Variants in SNAPC3 observed in about 807,000 individuals in gnomAD.
SNAPC3 encodes the protein small nuclear RNA activating complex polypeptide 3, also known as snRNA-activating protein complex subunit 3.
SNAPC3 carries 56 observed loss-of-function variants against 47.7 expected under a neutral mutation model. That is an observed-to-expected ratio of 1.18 (90% confidence interval 0.95 to 1.47). The LOEUF is 1.47. Ranked by LOEUF, SNAPC3 falls within the 40% of genes most tolerant of loss-of-function variation. SNAPC3 has a pLI of 0.00. For missense variants in SNAPC3, 665 were observed against 511.3 expected (o/e 1.30, Z -2.90); for synonymous variants, 235 against 189.9 (o/e 1.24, Z -1.95).
chr9:15,445,925 G>A (rs187157166), intron 4 of SNAPC3, among the ~76,000 whole-genome samples: 1 of 152,230 alleles, frequency 6.6e-6, no homozygotes, highest in African/African-American at 2.4e-5. Flanking sequence ...GACAAAATGA[G>A]ACTGTCCCTC....
intron 7 of SNAPC3, among the ~76,000 whole-genome samples, chr9:15,454,343 A>G (rs994256114): frequency 1.3e-5 from 2 of 152,236 alleles, no homozygotes; most frequent in African/African-American, 2.4e-5. Context: ...ACTCCATCTC[A>G]GGAAACTATC....
Position 15,422,885 on chromosome 9 carries a change from T to A in SNAPC3, c.6T>A (p.Ala2=), listed in dbSNP as rs752370665. M[A]EGSRGGPTCS... ...GGGGAAGGAGTGGGGCGAACATGGCTGAAGGAAGCCGAGGTGGCCCTACGT... is the reference window on the plus strand; with the variant it reads ...GGGGAAGGAGTGGGGCGAACATGGCAGAAGGAAGCCGAGGTGGCCCTACGT... The change falls in exon 1 of 9, where the codon GCT becomes GCA. Residue 2 remains alanine (A), a synonymous_variant. Coordinates refer to ENST00000380821, the MANE Select transcript of SNAPC3 (RefSeq NM_001039697.2). 9 of 1,535,776 alleles carry A rather than the reference T, an allele frequency of 5.9e-6. No homozygotes were observed. In the East Asian group the frequency reaches 1.5e-4, roughly 26 times the overall value.
At chr9:15,443,647 C>G (rs1049414021) in intron 3 of SNAPC3, among the ~76,000 whole-genome samples, 1 of 152,174 alleles carries the variant, frequency 6.6e-6, no homozygotes, top group South Asian at 2.1e-4. Flanking sequence ...GAAGCTGCTG[C>G]CACCAAGAGG....
chr9:15,442,181 G>C (rs1448181949), intron 3 of SNAPC3, among the ~76,000 whole-genome samples: 3 of 148,326 alleles, frequency 2.0e-5, no homozygotes, highest in East Asian at 4.0e-4. Context: ...CTCCCAGACG[G>C]GGCGGCTGGC....
intron 5 of SNAPC3, among the ~76,000 whole-genome samples, chr9:15,447,958 C>T (rs1170441923): frequency 1.3e-5 from 2 of 152,124 alleles, no homozygotes; most frequent in Non-Finnish European, 2.9e-5. Flanking sequence ...ACAATGTTTT[C>T]AGAAAGGATC....
chr9:15,458,316 G>GTATACATTGTAAAA, intron 8 of SNAPC3, among the ~76,000 whole-genome samples: 1 of 152,184 alleles, frequency 6.6e-6, no homozygotes, highest in East Asian at 1.9e-4. Flanking sequence ...ATACAGCTAG[G>GTATACATTGTAAAA]TGAATAAAAA....
intron 5 of SNAPC3, among the ~76,000 whole-genome samples, chr9:15,450,500 T>C (rs546646765): frequency 2.0e-5 from 3 of 152,246 alleles, no homozygotes; most frequent in East Asian, 3.9e-4. Flanking sequence ...ATTTCACAGA[T>C]GAGAAAACAG....
chr9:15,437,779 T>C (rs922529944), intron 3 of SNAPC3, among the ~76,000 whole-genome samples: 11 of 152,188 alleles, frequency 7.2e-5, no homozygotes, highest in Admixed American at 7.2e-4. Flanking sequence ...CCTTTTCTTA[T>C]CATAACTGAA....
At chr9:15,433,510 T>C (rs751720108) in intron 2 of SNAPC3, 42 bp from the exon 3 acceptor site, 3 of 1,209,396 alleles carry the variant, frequency 2.5e-6, no homozygotes, top group Non-Finnish European at 3.6e-6. Context: ...GAATAACAAA[T>C]GTTGAACTTT....
Position 15,423,136 on chromosome 9 carries a change from T to A in SNAPC3, c.257T>A (p.Val86Glu). The A allele has an allele frequency of 1.3e-6, 2 of 1,559,990 alleles. No homozygotes were observed. The highest frequency in any genetic ancestry group is 4.7e-5 in the East Asian group (2 of 42,446). ...AADSDREDAA[V>E]ARDLDCSLEA... ...GACTCCGACCGGGAGGATGCCGCGG[T>A]GGCCAGGGATCTGGACTGCAGCCTG... The change falls in exon 1 of 9, where the codon GTG becomes GAG. Residue 86 changes from valine (V) to glutamate (E), a missense_variant. Coordinates refer to ENST00000380821, the MANE Select transcript of SNAPC3 (RefSeq NM_001039697.2).
chr9:15,441,929 G>T (rs1809747481), intron 3 of SNAPC3, among the ~76,000 whole-genome samples: 1 of 152,172 alleles, frequency 6.6e-6, no homozygotes, highest in African/African-American at 2.4e-5. Flanking sequence ...AGACGTGGTG[G>T]CGGCCGGGCA....
intron 3 of SNAPC3, among the ~76,000 whole-genome samples, chr9:15,439,603 C>T (rs553333784): frequency 5.9e-5 from 9 of 152,260 alleles, no homozygotes; most frequent in African/African-American, 1.9e-4. Flanking sequence ...GGCCCGATCT[C>T]GGCTCACTGT....
Position 15,453,092 on chromosome 9 carries a change from G to C in SNAPC3, c.867G>C (p.Gln289His). ...ATGATAGAGGCTATGGAAAGTTTCA[G>C]ACTGCTAGAATGGAAGATTTCACCT... is the stretch of plus-strand genomic sequence containing the variant. ...ESHDRGYGKF[Q>H]TARMEDFTFN... Residue 289 changes from glutamine (Q) to histidine (H), a missense_variant, in exon 7 of 9, where the codon CAG becomes CAC. Physicochemically the swap from Gln to His is conservative, Grantham distance 24. Coordinates refer to ENST00000380821, the MANE Select transcript of SNAPC3 (RefSeq NM_001039697.2). 1.9e-6 allele frequency: 3 copies of C among 1,613,634 alleles called. No homozygotes were observed. Among genetic ancestry groups the C allele is most frequent in the Non-Finnish European group, 2.5e-6 (3 of 1,179,578 alleles).
chr9:15,446,456 T>G (rs756447485), intron 4 of SNAPC3, among the ~76,000 whole-genome samples: 5 of 152,200 alleles, frequency 3.3e-5, no homozygotes, highest in Non-Finnish European at 5.9e-5. Flanking sequence ...ATCCTCCTGC[T>G]TCGGCCTCCC....
chr9:15,457,951 G>T lies in SNAPC3; in HGVS notation c.981-9G>T, dbSNP rs778728967. On this transcript the variant is annotated splice_polypyrimidine_tract_variant and intron_variant, in intron 7 of 8. Transcript: ENST00000380821. ...CACCTTAATATCTTTATTTTCCCAC[G>T]AACAAAAGGCTTGTGCATCATGATG... The T allele has an allele frequency of 1.3e-6, 2 of 1,531,820 alleles. No individual in the cohort carries two copies. Among genetic ancestry groups the T allele is most frequent in the South Asian group, 2.4e-5 (2 of 81,968 alleles). The allele number at this position is 1,531,820 out of a possible 1,614,324, so 94.9% of individuals were successfully genotyped here.
downstream of SNAPC3, among the ~76,000 whole-genome samples, chr9:15,466,333 G>A (rs1255611968): frequency 2.6e-5 from 4 of 152,188 alleles, no homozygotes; most frequent in East Asian, 5.8e-4. Flanking sequence ...GAGCACGATC[G>A]TGCCATTGCA....
chr9:15,457,907 T>C, intron 7 of SNAPC3, 53 bp from the exon 8 acceptor site: 1 of 1,019,576 alleles, frequency 9.8e-7, no homozygotes, highest in East Asian at 2.6e-5. Context: ...CTCATAAAAA[T>C]TTGTCACTTA....
chr9:15,427,021 A>T (rs1359199815), intron 2 of SNAPC3, among the ~76,000 whole-genome samples: 2 of 142,280 alleles, frequency 1.4e-5, no homozygotes, highest in Non-Finnish European at 3.2e-5. Flanking sequence ...TCACATTATT[A>T]TATTATAAAA....
rs1298687708 is a variant in SNAPC3 at position 15,422,898 on chromosome 9, G to C, written c.19G>C (p.Gly7Arg). 2 of 1,535,482 alleles carry C rather than the reference G, an allele frequency of 1.3e-6. No individual in the cohort carries two copies. The highest frequency in any genetic ancestry group is 1.8e-6 in the Non-Finnish European group (2 of 1,141,510). MAEGSR[G>R]GPTCSGVGGR... ...GGCGAACATGGCTGAAGGAAGCCGA[G>C]GTGGCCCTACGTGTAGCGGGGTGGG... Residue 7 changes from glycine (G) to arginine (R), a missense_variant, in exon 1 of 9, where the codon GGT becomes CGT. Coordinates refer to ENST00000380821, the MANE Select transcript of SNAPC3 (RefSeq NM_001039697.2).
Sources: gnomAD v4.1 joint callset for allele counts (sites outside exome capture counted in the v4.1 genomes callset) on GRCh38, gnomAD v4.1.1 for gene constraint, MANE v1.5 for transcripts, NCBI Gene and HGNC (gene_info 2026-07-23, HGNC 2026-07-21) for gene names.